Variants in SDK1 observed in about 807,000 individuals in gnomAD.
The protein encoded by SDK1 is protein sidekick-1.
SDK1 carries 157 observed loss-of-function variants against 245.5 expected under a neutral mutation model. That is an observed-to-expected ratio of 0.64 (90% CI 0.56 to 0.73). The LOEUF is 0.73. SDK1 is among the 30% of genes least tolerant of loss of function. The pLI is 0.00. For missense variants in SDK1, 3,583 were observed against 3,002.3 expected (o/e 1.19, Z -4.52); for synonymous variants, 1,647 against 1,278.5 (o/e 1.29, Z -6.15).
intron 1 of SDK1, among the ~76,000 whole-genome samples, chr7:3,485,683 G>GTT (rs71552309): frequency 0.028 from 1,075 of 38,084 alleles, 135 homozygotes; most frequent in African/African-American, 0.053. Context: ...TCTTTGGAGG[G>GTT]TTTTTTTTTT....
chr7:4,091,118 C>G (rs1316985561), intron 22 of SDK1, among the ~76,000 whole-genome samples: 1 of 152,068 alleles, frequency 6.6e-6, no homozygotes, highest in Non-Finnish European at 1.5e-5. Flanking sequence ...CTGAAGTTAT[C>G]AAAGTCTAAC....
At chr7:3,452,722 C>G (rs367748855) in intron 1 of SDK1, among the ~76,000 whole-genome samples, 6 of 152,128 alleles carry the variant, frequency 3.9e-5, no homozygotes, top group African/African-American at 1.4e-4. Context: ...TAGTCATTGA[C>G]TTTGTGTGGA....
At chr7:4,233,231 C>A in intron 40 of SDK1, 24 bp from the exon 41 acceptor site, 1 of 1,604,896 alleles carries the variant, frequency 6.2e-7, no homozygotes, top group South Asian at 1.1e-5. Context: ...AACCTCTGCT[C>A]TCGCCTCCCC....
chr7:3,625,377 A>G (rs1336902426), intron 2 of SDK1, among the ~76,000 whole-genome samples: 1 of 152,222 alleles, frequency 6.6e-6, no homozygotes, highest in Non-Finnish European at 1.5e-5. Context: ...ACAAACTGGG[A>G]CAATATTTGC....
chr7:3,850,847 G>A (rs985844683), intron 5 of SDK1, among the ~76,000 whole-genome samples: 3 of 150,602 alleles, frequency 2.0e-5, no homozygotes, highest in South Asian at 2.1e-4. Context: ...ATCACACACC[G>A]GGGCCTGTTG....
intron 1 of SDK1, among the ~76,000 whole-genome samples, chr7:3,510,966 A>T (rs563658768): frequency 6.6e-6 from 1 of 152,358 alleles, no homozygotes; most frequent in Non-Finnish European, 1.5e-5. Flanking sequence ...AGATGAGATC[A>T]AACAGCAAAG....
chr7:4,264,330 G>A (rs1386088704), intron 44 of SDK1, among the ~76,000 whole-genome samples: 2 of 147,438 alleles, frequency 1.4e-5, no homozygotes, highest in African/African-American at 2.5e-5. Context: ...GAGGGAGGCC[G>A]CGTAGATCTC....
intron 4 of SDK1, among the ~76,000 whole-genome samples, chr7:3,766,083 T>G (rs1780244447): frequency 6.6e-6 from 1 of 152,220 alleles, no homozygotes; most frequent in Non-Finnish European, 1.5e-5. Context: ...GAGATGACAT[T>G]TCTGGCCGGT....
chr7:3,718,089 C>G (rs1390691327), intron 4 of SDK1, among the ~76,000 whole-genome samples: 1 of 152,132 alleles, frequency 6.6e-6, no homozygotes, highest in Non-Finnish European at 1.5e-5. Context: ...GGGTGTTATT[C>G]CAGGCATGCA....
intron 7 of SDK1, among the ~76,000 whole-genome samples, chr7:3,952,690 A>C (rs1412094613): frequency 2.0e-5 from 3 of 151,984 alleles, no homozygotes; most frequent in African/African-American, 7.3e-5. Context: ...CTTTTGTTAA[A>C]CTTAAAAAAA....
intron 5 of SDK1, among the ~76,000 whole-genome samples, chr7:3,923,428 T>G (rs1779661865): frequency 6.6e-6 from 1 of 152,232 alleles, no homozygotes; most frequent in Non-Finnish European, 1.5e-5. Flanking sequence ...TTTCCCTGTT[T>G]GTTTTAATAA....
chr7:3,692,971 G>A (rs916025031), intron 4 of SDK1, among the ~76,000 whole-genome samples: 5 of 151,808 alleles, frequency 3.3e-5, no homozygotes, highest in Non-Finnish European at 5.9e-5. Flanking sequence ...AGTATTTCAC[G>A]TGTGTACCTG....
intron 4 of SDK1, among the ~76,000 whole-genome samples, chr7:3,805,027 T>G (rs185586867): frequency 6.6e-6 from 1 of 152,174 alleles, no homozygotes; most frequent in African/African-American, 2.4e-5. Context: ...TTTTAAATGT[T>G]CTTACCACAA....
intron 5 of SDK1, among the ~76,000 whole-genome samples, chr7:3,833,293 G>A (rs898774833): frequency 6.6e-6 from 1 of 152,162 alleles, no homozygotes. Context: ...CTGTTTCACT[G>A]ATGATGTATT....
At chr7:3,378,131 G>T (rs1055818068) in intron 1 of SDK1, among the ~76,000 whole-genome samples, 9 of 152,276 alleles carry the variant, frequency 5.9e-5, no homozygotes, top group East Asian at 1.9e-4. Context: ...GCCTGTATTT[G>T]TTGGCTCTGA....
chr7:3,902,508 T>C (rs182936431), intron 5 of SDK1, among the ~76,000 whole-genome samples: 8 of 152,376 alleles, frequency 5.3e-5, no homozygotes, highest in African/African-American at 1.2e-4. Flanking sequence ...CAGTCAGATA[T>C]TGAGTTCTAA....
chr7:3,699,365 C>G (rs537247849), intron 4 of SDK1, among the ~76,000 whole-genome samples: 1 of 151,844 alleles, frequency 6.6e-6, no homozygotes, highest in Non-Finnish European at 1.5e-5. Context: ...TGAGGAATTA[C>G]AAACATGCTG....
At chr7:4,017,411 A>C (rs1786501086) in intron 17 of SDK1, 59 bp downstream of exon 17, 1 of 1,485,234 alleles carries the variant, frequency 6.7e-7, no homozygotes, top group Non-Finnish European at 9.2e-7. Context: ...TGGGATTTGC[A>C]AGGTTTGACT....
intron 1 of SDK1, among the ~76,000 whole-genome samples, chr7:3,591,530 A>C (rs980731469): frequency 6.6e-6 from 1 of 152,246 alleles, no homozygotes; most frequent in Non-Finnish European, 1.5e-5. Flanking sequence ...GGCTGTTCAC[A>C]TTGACATTCA....
Sources: allele counts gnomAD v4.1 joint callset (sites outside exome capture counted in the v4.1 genomes callset), GRCh38; gene constraint gnomAD v4.1.1; transcripts MANE v1.5; gene names NCBI Gene and HGNC (gene_info 2026-07-23, HGNC 2026-07-21).